SYT1: variants seen among roughly 807,000 people sequenced by gnomAD.
SYT1 encodes synaptotagmin-1.
A neutral mutation model predicts 44.8 loss-of-function variants in SYT1; 8 were observed. That is an observed-to-expected ratio of 0.18 (90% confidence interval 0.10 to 0.32). The LOEUF (loss-of-function observed/expected upper bound fraction) is 0.32, where lower values mean the gene tolerates loss of function less well. SYT1 is among the 10% of genes least tolerant of loss of function. SYT1 has a pLI of 1.00. For missense variants in SYT1, 286 were observed against 509.3 expected (o/e 0.56, Z 4.22); for synonymous variants, 154 against 188.8 (o/e 0.82, Z 1.51).
At chr12:79,414,270 G>A (rs1170765918) in intron 9 of SYT1, among the ~76,000 whole-genome samples, 1 of 152,174 alleles carries the variant, frequency 6.6e-6, no homozygotes, top group East Asian at 1.9e-4. Flanking sequence ...AATGCATTGT[G>A]CCTACCAGGA....
At chr12:79,004,230 A>G (rs1870932922) in intron 2 of SYT1, among the ~76,000 whole-genome samples, 2 of 151,980 alleles carry the variant, frequency 1.3e-5, no homozygotes, top group Admixed American at 1.3e-4. Context: ...ATTTTAAAGC[A>G]TGCTATATTA....
At chr12:79,048,057 A>G (rs1403925600) in intron 3 of SYT1, among the ~76,000 whole-genome samples, 1 of 151,932 alleles carries the variant, frequency 6.6e-6, no homozygotes, top group African/African-American at 2.4e-5. Context: ...GAACAATAAC[A>G]TAAAGATAGA....
At chr12:79,233,186 CCCCAA>C (rs1875972096) in intron 4 of SYT1, among the ~76,000 whole-genome samples, 1 of 152,166 alleles carries the variant, frequency 6.6e-6, no homozygotes, top group Admixed American at 6.5e-5. Flanking sequence ...GTGTCCTCAC[CCCCAA>C]GCATGTTTAT....
chr12:79,254,794 A>G (rs1405849259), intron 4 of SYT1, among the ~76,000 whole-genome samples: 3 of 152,220 alleles, frequency 2.0e-5, no homozygotes, highest in Non-Finnish European at 4.4e-5. Flanking sequence ...TCAGAACTTC[A>G]GTGGAGAAGT....
At chr12:79,014,017 C>T (rs1305084635) in intron 2 of SYT1, among the ~76,000 whole-genome samples, 1 of 148,178 alleles carries the variant, frequency 6.7e-6, no homozygotes, top group Middle Eastern at 3.6e-3. Flanking sequence ...TCCCAGTACT[C>T]GGGATCATGA....
chr12:79,390,123 C>T (rs984029291), intron 9 of SYT1, among the ~76,000 whole-genome samples: 4 of 151,796 alleles, frequency 2.6e-5, no homozygotes, highest in Admixed American at 2.0e-4. Context: ...TTAATAGAGA[C>T]GGGGTTTCAC....
chr12:78,964,261 A>G (rs1173925344), intron 1 of SYT1: 2 of 152,208 alleles, frequency 1.3e-5, no homozygotes, highest in Non-Finnish European at 2.9e-5. Flanking sequence ...AAAAGTTTTC[A>G]TTAGTAGTTT....
At chr12:78,934,160 A>G (rs1327706625) in intron 1 of SYT1, among the ~76,000 whole-genome samples, 2 of 147,238 alleles carry the variant, frequency 1.4e-5, no homozygotes, top group African/African-American at 5.0e-5. Context: ...GTGCGTGTGT[A>G]CACACACACA....
At chr12:79,251,005 A>G (rs949375288) in intron 4 of SYT1, among the ~76,000 whole-genome samples, 3 of 152,102 alleles carry the variant, frequency 2.0e-5, no homozygotes, top group Admixed American at 2.0e-4. Context: ...CTACCATGTG[A>G]CAGCATTGTA....
chr12:79,292,485 A>G (rs951479531), intron 6 of SYT1, among the ~76,000 whole-genome samples: 1 of 152,194 alleles, frequency 6.6e-6, no homozygotes, highest in Non-Finnish European at 1.5e-5. Flanking sequence ...GACTTTACAG[A>G]TTTAGAACTA....
At chr12:79,143,601 C>T (rs1869698434) in intron 3 of SYT1, among the ~76,000 whole-genome samples, 1 of 152,106 alleles carries the variant, frequency 6.6e-6, no homozygotes, top group East Asian at 1.9e-4. Context: ...CACCCACAAC[C>T]CAGTCATTTT....
intron 3 of SYT1, among the ~76,000 whole-genome samples, chr12:79,199,425 G>A (rs1873650192): frequency 6.6e-6 from 1 of 151,964 alleles, no homozygotes; most frequent in African/African-American, 2.4e-5. Context: ...TCCACTGTCA[G>A]CATTTTGTGA....
At chr12:79,040,380 T>G (rs565005968) in intron 2 of SYT1, among the ~76,000 whole-genome samples, 1 of 152,246 alleles carries the variant, frequency 6.6e-6, no homozygotes, top group Non-Finnish European at 1.5e-5. Flanking sequence ...CCAGTGATGA[T>G]GAGCATTTCT....
At chr12:78,991,220 A>G (rs1384909597) in intron 2 of SYT1, among the ~76,000 whole-genome samples, 1 of 152,120 alleles carries the variant, frequency 6.6e-6, no homozygotes, top group Non-Finnish European at 1.5e-5. Context: ...ATATAACATT[A>G]AAAGAACCCC....
At chr12:79,300,789 T>TTTTATATATATATATATATATATA (rs1490670835) in intron 8 of SYT1, among the ~76,000 whole-genome samples, 90 of 89,568 alleles carry the variant, frequency 1.0e-3, no homozygotes, top group Admixed American at 1.3e-3. Flanking sequence ...TGTATACTTA[T>TTTTATATATATATATATATATATA]TATATATATA....
At chr12:79,092,060 A>G (rs1877815527) in intron 3 of SYT1, among the ~76,000 whole-genome samples, 1 of 151,906 alleles carries the variant, frequency 6.6e-6, no homozygotes, top group African/African-American at 2.4e-5. Flanking sequence ...TGTGCCTGTA[A>G]TACCTTTAAA....
intron 3 of SYT1, among the ~76,000 whole-genome samples, chr12:79,131,921 G>A (rs1449443163): frequency 6.6e-6 from 1 of 152,188 alleles, no homozygotes; most frequent in Non-Finnish European, 1.5e-5. Flanking sequence ...AGCTATACAT[G>A]TATGGAGCTA....
rs577329296 is a variant in SYT1 at position 79,052,005 on chromosome 12, A to G, written c.-18+4643A>G. On this transcript the variant is annotated intron_variant, in intron 3 of 10. Coordinates refer to ENST00000261205, the MANE Select transcript of SYT1 (RefSeq NM_005639.3). ...CTTTTGGCTTAGGATTGACTTGGCA[A>G]TGCAGGCTCTTTTTTGGTTCCATAT... Among the ~76,000 whole-genome samples the G allele has an allele frequency of 2.8e-4, 42 of 152,220 alleles. No homozygotes were observed. The South Asian group carries it at 7.9e-3, about 29-fold the overall frequency.
intron 8 of SYT1, among the ~76,000 whole-genome samples, chr12:79,307,772 T>C (rs1009213682): frequency 6.6e-6 from 1 of 152,232 alleles, no homozygotes; most frequent in Non-Finnish European, 1.5e-5. Context: ...CCTAACGGCA[T>C]GTATGACTTG....
Sources: allele counts gnomAD v4.1 joint callset (sites outside exome capture counted in the v4.1 genomes callset), GRCh38; gene constraint gnomAD v4.1.1; transcripts MANE v1.5; gene names NCBI Gene and HGNC (gene_info 2026-07-23, HGNC 2026-07-21).